PDPN: variants seen among roughly 807,000 people sequenced by gnomAD.
The protein encoded by PDPN is PA2.26 antigen.
Under a neutral mutation model 23.2 loss-of-function variants are expected in PDPN, and 12 were observed. The ratio of observed to expected loss-of-function variants is 0.52; its 90% CI spans 0.33 to 0.84. PDPN has a LOEUF of 0.84. PDPN is among the 40% of genes least tolerant of loss of function. The probability of loss-of-function intolerance (pLI) is 0.02; values close to 1 mark genes in which losing one functional copy is unlikely to be tolerated. For missense variants in PDPN, 199 were observed against 212.2 expected (o/e 0.94, Z 0.39); for synonymous variants, 77 against 76.7 (o/e 1.00, Z -0.02).
At position 13,584,271 on chromosome 1, in the gene PDPN, T is replaced by C. The variant is rs1461766968; in HGVS notation, c.67+171T>C. ...CGGAGGAGGAGAGGCAGCGGCTTAG[T>C]CGGTGCCAGGTCCCAAAGACGCAGC... On this transcript the variant is annotated intron_variant, in intron 1 of 5. Coordinates refer to ENST00000621990, the MANE Select transcript of PDPN (RefSeq NM_006474.5). The C allele has an allele frequency of 7.8e-6, 12 of 1,531,252 alleles. No individual in the cohort carries two copies. The Admixed American group carries it at 1.4e-4, about 18-fold the overall frequency. 94.9% of individuals were successfully genotyped at this position (1,531,252 alleles called of 1,614,324 possible).
chr1:13,587,854 C>T (rs1570007608), intron 1 of PDPN, among the ~76,000 whole-genome samples: 1 of 152,152 alleles, frequency 6.6e-6, no homozygotes, highest in East Asian at 1.9e-4. Context: ...ACATGTCTAA[C>T]CCCAGCCCCT....
At chr1:13,604,174 G>GCATATGTATGCCTGTGCATA (rs1640721440) in intron 1 of PDPN, among the ~76,000 whole-genome samples, 1 of 152,196 alleles carries the variant, frequency 6.6e-6, no homozygotes, top group African/African-American at 2.4e-5. Context: ...GTGTGTGCGT[G>GCATATGTATGCCTGTGCATA]CATATGTATG....
At chr1:13,587,408 A>G (rs1201290136) in intron 1 of PDPN, among the ~76,000 whole-genome samples, 1 of 152,174 alleles carries the variant, frequency 6.6e-6, no homozygotes, top group Non-Finnish European at 1.5e-5. Flanking sequence ...GCTTATCTGA[A>G]TATTTGTCAT....
chr1:13,601,335 A>G (rs550243503), intron 1 of PDPN, among the ~76,000 whole-genome samples: 3 of 152,262 alleles, frequency 2.0e-5, no homozygotes, highest in African/African-American at 7.2e-5. Context: ...GCCTTGTGCT[A>G]AGTTTCTCCT....
intron 1 of PDPN, chr1:13,585,545 C>T: frequency 1.5e-6 from 2 of 1,351,540 alleles, no homozygotes; most frequent in South Asian, 2.3e-5. Flanking sequence ...AGCATCTCAG[C>T]CCTGCTAAAG....
intron 1 of PDPN, among the ~76,000 whole-genome samples, chr1:13,589,090 A>C (rs1239619947): frequency 1.4e-5 from 2 of 141,842 alleles, no homozygotes; most frequent in Non-Finnish European, 1.6e-5. Context: ...TTAGTAGGAA[A>C]GGTGTCATAT....
chr1:13,602,463 C>G (rs567047284), intron 1 of PDPN, among the ~76,000 whole-genome samples: 13 of 152,156 alleles, frequency 8.5e-5, no homozygotes, highest in Non-Finnish European at 1.9e-4. Flanking sequence ...ACAACTCGCT[C>G]CACAAATCAA....
rs750229320 is a variant in PDPN at position 13,588,140 on chromosome 1, C to A, written c.67+4040C>A. On this transcript the variant is annotated intron_variant, in intron 1 of 5. Transcript: ENST00000621990. ...GAACCCGCCCCCCCAAACACACATA[C>A]ACACACACACACACCCCTGGAGAAA... Among the ~76,000 whole-genome samples, 68 of 43,432 alleles carry A rather than the reference C, an allele frequency of 1.6e-3. No individual in the cohort carries two copies. In the Middle Eastern group the frequency reaches 0.034, roughly 22 times the overall value. The allele number at this position is 43,432 out of a possible 152,430, so 28.5% of individuals were successfully genotyped here.
intron 2 of PDPN, 22 bp downstream of exon 2, chr1:13,607,328 G>C (rs555900222): frequency 6.2e-7 from 1 of 1,606,354 alleles, no homozygotes; most frequent in Admixed American, 1.7e-5. Flanking sequence ...GGGAAGAGAG[G>C]AATTTTTTCC....
intron 1 of PDPN, among the ~76,000 whole-genome samples, chr1:13,599,279 T>G (rs1047955094): frequency 6.7e-6 from 1 of 148,610 alleles, no homozygotes; most frequent in African/African-American, 2.5e-5. Context: ...AAAGTGCTGG[T>G]GGGATTACAG....
At chr1:13,615,398 G>A (rs1641045890) in intron 5 of PDPN, among the ~76,000 whole-genome samples, 1 of 151,224 alleles carries the variant, frequency 6.6e-6, no homozygotes, top group Non-Finnish European at 1.5e-5. Flanking sequence ...CGATTCCCCT[G>A]CCTCCGCCTC....
intron 1 of PDPN, among the ~76,000 whole-genome samples, chr1:13,605,392 A>G (rs1408920443): frequency 6.6e-6 from 1 of 152,160 alleles, no homozygotes; most frequent in Non-Finnish European, 1.5e-5. Flanking sequence ...GTATTTAGTC[A>G]TGGAATTTCC....
intron 1 of PDPN, among the ~76,000 whole-genome samples, chr1:13,602,046 C>CACTTTGGGTGGCTCAGCA (rs879319338): frequency 1.1e-5 from 1 of 91,736 alleles, no homozygotes; most frequent in Non-Finnish European, 2.4e-5. Context: ...GTGGCTCATG[C>CACTTTGGGTGGCTCAGCA]CTTTGGGTGG....
intron 5 of PDPN, 46 bp downstream of exon 5, chr1:13,614,457 C>G (rs772302763): frequency 1.0e-6 from 1 of 973,296 alleles, no homozygotes; most frequent in Non-Finnish European, 1.7e-6. Flanking sequence ...TGAAAGCCAT[C>G]GTGTCTAGAA....
intron 1 of PDPN, among the ~76,000 whole-genome samples, chr1:13,598,567 C>T (rs138792729): frequency 1.3e-5 from 2 of 152,242 alleles, no homozygotes; most frequent in Non-Finnish European, 2.9e-5. Context: ...GAGGTCATCC[C>T]CTCCTCAACA....
intron 1 of PDPN, among the ~76,000 whole-genome samples, chr1:13,600,474 C>T: frequency 6.6e-6 from 1 of 151,904 alleles, no homozygotes; most frequent in Non-Finnish European, 1.5e-5. Flanking sequence ...AAGCGATTCT[C>T]CTGCCTCAGC....
rs894919779 is a variant in PDPN, at chr1:13,614,811, A to C, written c.482+400A>C. On this transcript the variant is annotated intron_variant, in intron 5 of 5. Transcript: ENST00000621990. ...CTTAAAAATAAGAAAGAGCCTCTTC[A>C]TCTTCAAAAGGACTACATCTGAAGT... is the stretch of plus-strand genomic sequence containing the variant. 2.6e-4 allele frequency: 135 copies of C among 517,364 alleles called. 1 individual carries two copies. The highest frequency in any genetic ancestry group is 1.7e-3 in the South Asian group (124 of 71,104). 32.0% of individuals were successfully genotyped at this position (517,364 alleles called of 1,614,324 possible). A position where few individuals can be genotyped will look rare whatever the true frequency, so the allele number is the denominator to read the frequency against.
chr1:13,615,150 T>C (rs1641036546), intron 5 of PDPN, among the ~76,000 whole-genome samples: 1 of 152,222 alleles, frequency 6.6e-6, no homozygotes, highest in Non-Finnish European at 1.5e-5. Context: ...TTGCCCTGCG[T>C]GCACCCACAT....
intron 1 of PDPN, 116 bp downstream of exon 1, chr1:13,584,216 A>T (rs1196131400): frequency 2.7e-5 from 41 of 1,520,164 alleles, no homozygotes; most frequent in Non-Finnish European, 3.5e-5. Context: ...GGGGGAGCTG[A>T]GGGTGTGTGC....
Sources: allele counts gnomAD v4.1 joint callset (sites outside exome capture counted in the v4.1 genomes callset), GRCh38; gene constraint gnomAD v4.1.1; transcripts MANE v1.5; gene names NCBI Gene and HGNC (gene_info 2026-07-23, HGNC 2026-07-21).